Variants in FSTL4 observed in about 807,000 individuals in gnomAD.
FSTL4 encodes follistatin-related protein 4.
In FSTL4, 28 loss-of-function variants were observed where a neutral mutation model predicts 78.2. The ratio of observed to expected loss-of-function variants is 0.36; its 90% CI spans 0.27 to 0.49. The LOEUF is 0.49. FSTL4 is among the 20% of genes least tolerant of loss of function. The probability of loss-of-function intolerance (pLI) is 0.98; values close to 1 mark genes in which losing one functional copy is unlikely to be tolerated. For synonymous variants in FSTL4, 422 were observed against 440.5 expected (o/e 0.96, Z 0.53); for missense variants, 922 against 1,084.9 (o/e 0.85, Z 2.11).
rs1049207537 is a variant in FSTL4, at chr5:133,520,907, C to T, written c.160+46279G>A. On this transcript the variant is annotated intron_variant, in intron 3 of 15. Transcript: ENST00000265342. ...TGGAGGAAGAAGGTGGTTCTGGCAG[C>T]GGGGACTAGGCAAATATTTCTCCTG... Among the ~76,000 whole-genome samples the T allele has an allele frequency of 4.6e-5, 7 of 152,154 alleles. No homozygotes were observed. The East Asian group carries it at 7.7e-4, about 17-fold the overall frequency.
At chr5:133,481,213 G>A (rs754100150) in intron 3 of FSTL4, among the ~76,000 whole-genome samples, 1 of 152,180 alleles carries the variant, frequency 6.6e-6, no homozygotes, top group East Asian at 1.9e-4. Flanking sequence ...AATCTGGATT[G>A]CAAGTTTTAT....
the FSTL4 span, among the ~76,000 whole-genome samples, chr5:133,629,571 A>G: frequency 2.0e-5 from 3 of 152,228 alleles, no homozygotes; most frequent in Admixed American, 2.0e-4. Context: ...AGAGGTACAA[A>G]GAGGAGCTGG....
chr5:133,656,019 G>A, the FSTL4 span, among the ~76,000 whole-genome samples: 2 of 152,312 alleles, frequency 1.3e-5, no homozygotes, highest in South Asian at 4.1e-4. Flanking sequence ...TCACTATGCT[G>A]TGCTGATTCT....
intron 4 of FSTL4, among the ~76,000 whole-genome samples, chr5:133,378,628 T>C (rs1755497673): frequency 6.6e-6 from 1 of 152,124 alleles, no homozygotes; most frequent in Non-Finnish European, 1.5e-5. Context: ...AGCAGAAAAA[T>C]GTAAAGTGTA....
the FSTL4 span, among the ~76,000 whole-genome samples, chr5:133,670,468 G>A: frequency 7.2e-5 from 11 of 152,362 alleles, 1 homozygote; most frequent in African/African-American, 2.6e-4. Flanking sequence ...CTGGACTGGG[G>A]CATCATTTCC....
chr5:133,715,249 A>C, the FSTL4 span, among the ~76,000 whole-genome samples: 1 of 152,224 alleles, frequency 6.6e-6, no homozygotes, highest in Non-Finnish European at 1.5e-5. Context: ...ATAAACTCAC[A>C]CATATACAGG....
At chr5:133,637,140 A>T in the FSTL4 span, among the ~76,000 whole-genome samples, 1 of 152,074 alleles carries the variant, frequency 6.6e-6, no homozygotes, top group Non-Finnish European at 1.5e-5. Context: ...CTCTTGAAAG[A>T]TTACCCTATT....
intron 4 of FSTL4, 42 bp downstream of exon 4, chr5:133,400,696 A>C: frequency 1.3e-6 from 2 of 1,591,848 alleles, no homozygotes; most frequent in Non-Finnish European, 1.7e-6. Context: ...TGGAAGACCC[A>C]TCACAAAACC....
intron 4 of FSTL4, among the ~76,000 whole-genome samples, chr5:133,358,115 C>T (rs1169410795): frequency 2.0e-5 from 3 of 152,182 alleles, no homozygotes; most frequent in Non-Finnish European, 4.4e-5. Flanking sequence ...CATTTCAGCG[C>T]AGCATCCTCA....
At chr5:133,391,173 T>C (rs1212909600) in intron 4 of FSTL4, among the ~76,000 whole-genome samples, 1 of 152,186 alleles carries the variant, frequency 6.6e-6, no homozygotes, top group Admixed American at 6.5e-5. Flanking sequence ...CACAGATAAT[T>C]AGACAAACTG....
the FSTL4 span, among the ~76,000 whole-genome samples, chr5:133,651,774 G>T: frequency 2.6e-4 from 39 of 152,156 alleles, 1 homozygote; most frequent in African/African-American, 9.1e-4. Context: ...TTTGGCTTTG[G>T]TATTGGAGTA....
Position 133,576,570 on chromosome 5 carries a change from G to A in FSTL4, c.127-9351C>T, listed in dbSNP as rs577232496. Among the ~76,000 whole-genome samples the A allele has an allele frequency of 4.6e-5, 7 of 152,282 alleles. No homozygotes were observed. The South Asian group carries it at 8.3e-4, about 18-fold the overall frequency. On this transcript the variant is annotated intron_variant, in intron 2 of 15. Coordinates refer to ENST00000265342, the MANE Select transcript of FSTL4 (RefSeq NM_015082.2). ...TCATAGACAAAGCAGAAAGGAGTCC[G>A]CTGTACAAGGGGCCCGGCCTGAGGA... is the stretch of plus-strand genomic sequence containing the variant.
chr5:133,449,166 C>CGTCT (rs1248819762), intron 3 of FSTL4, among the ~76,000 whole-genome samples: 3 of 152,208 alleles, frequency 2.0e-5, no homozygotes, highest in African/African-American at 7.2e-5. Flanking sequence ...TGTGCCCCTG[C>CGTCT]GTCTGTGCAC....
the FSTL4 span, among the ~76,000 whole-genome samples, chr5:133,823,848 G>A: frequency 6.6e-6 from 1 of 152,158 alleles, no homozygotes; most frequent in Admixed American, 6.5e-5. Flanking sequence ...AGGGCCAGAT[G>A]GGAGGGCTGC....
chr5:133,220,227 G>A (rs897231408), intron 12 of FSTL4, among the ~76,000 whole-genome samples: 14 of 152,276 alleles, frequency 9.2e-5, no homozygotes, highest in African/African-American at 2.2e-4. Flanking sequence ...CTCAAGGAGC[G>A]CAGGGTATCC....
intron 3 of FSTL4, among the ~76,000 whole-genome samples, chr5:133,504,226 T>A (rs1758565688): frequency 6.6e-6 from 1 of 152,088 alleles, no homozygotes; most frequent in Non-Finnish European, 1.5e-5. Context: ...CGAAACTCCC[T>A]GTATTAGTGT....
At chr5:133,435,293 T>C (rs1235870966) in intron 3 of FSTL4, among the ~76,000 whole-genome samples, 1 of 152,248 alleles carries the variant, frequency 6.6e-6, no homozygotes, top group Non-Finnish European at 1.5e-5. Flanking sequence ...TCTCACAAAA[T>C]ACTCAAGTAA....
chr5:133,569,521 T>C (rs1018006616), intron 2 of FSTL4, among the ~76,000 whole-genome samples: 6 of 152,178 alleles, frequency 3.9e-5, no homozygotes, highest in African/African-American at 1.4e-4. Context: ...TTCCCTCTAG[T>C]GGAATGTGGG....
intron 3 of FSTL4, among the ~76,000 whole-genome samples, chr5:133,444,587 G>C (rs1389195195): frequency 6.6e-6 from 1 of 152,176 alleles, no homozygotes; most frequent in African/African-American, 2.4e-5. Flanking sequence ...CCAGGCCCTG[G>C]CCAGCTTTGA....
Sources: gnomAD v4.1 joint callset for allele counts (sites outside exome capture counted in the v4.1 genomes callset) on GRCh38, gnomAD v4.1.1 for gene constraint, MANE v1.5 for transcripts, NCBI Gene and HGNC (gene_info 2026-07-23, HGNC 2026-07-21) for gene names.